The following CSMD2 variants were observed in gnomAD, a reference collection of about 807,000 sequenced individuals.
CSMD2 encodes CUB and Sushi multiple domains 2.
A neutral mutation model predicts 398.5 loss-of-function variants in CSMD2; 130 were observed. That is an observed-to-expected ratio of 0.33 (90% CI 0.28 to 0.38). The LOEUF is 0.38. CSMD2 is among the 10% of genes least tolerant of loss of function. The pLI is 1.00. For missense variants in CSMD2, 3,829 were observed against 4,764.9 expected (o/e 0.80, Z 5.78); for synonymous variants, 1,828 against 1,908.5 (o/e 0.96, Z 1.10).
Position 34,095,554 on chromosome 1 carries a change from G to T in CSMD2, c.188-6361C>A, listed in dbSNP as rs1371994477. Among the ~76,000 whole-genome samples, 7 of 152,046 alleles carry T rather than the reference G, an allele frequency of 4.6e-5. No individual in the cohort carries two copies. In the South Asian group the frequency reaches 1.0e-3, roughly 23 times the overall value. On this transcript the variant is annotated intron_variant, in intron 1 of 70. Transcript: ENST00000373381. ...AAAAAGAGAGAAGAGTCAAATAGAC[G>T]CAATAAAAAATGATAAAGGGGATAT... is the stretch of plus-strand genomic sequence containing the variant.
At chr1:33,944,041 A>C (rs1193771753) in intron 3 of CSMD2, among the ~76,000 whole-genome samples, 1 of 152,060 alleles carries the variant, frequency 6.6e-6, no homozygotes, top group East Asian at 1.9e-4. Context: ...CTTGCAGGCT[A>C]TATGGTCTCT....
chr1:33,734,158 CTTCT>C (rs1189587721), intron 15 of CSMD2, among the ~76,000 whole-genome samples: 1 of 152,140 alleles, frequency 6.6e-6, no homozygotes, highest in African/African-American at 2.4e-5. Context: ...GAGAACTGAC[CTTCT>C]TTCTTTATTA....
Position 33,739,233 on chromosome 1 carries a change from C to G in CSMD2, c.2275G>C (p.Glu759Gln), listed in dbSNP as rs548131729. ...GAGCCCTGAGTCCCAAGGAAGCCTT[C>G]ATCACAGAGGAAGGAGATGGAGCTG... Reference protein sequence around the residue: ...LGSSISFLCDEGFLGTQGSET... With the variant: ...LGSSISFLCDQGFLGTQGSET... The change falls in exon 15 of 71, where the codon GAA (glutamate) becomes CAA (glutamine). Residue 759 changes from glutamate to glutamine, a missense_variant. By Grantham distance (29) the Glu-to-Gln change is conservative. Coordinates refer to ENST00000373381, the MANE Select transcript of CSMD2 (RefSeq NM_001281956.2). 6.2e-7 allele frequency: 1 copy of G among 1,614,242 alleles called. No individual in the cohort carries two copies. Among genetic ancestry groups the G allele is most frequent in the East Asian group, 2.2e-5 (1 of 44,878 alleles).
chr1:34,065,273 TC>T (rs1343381219), intron 2 of CSMD2, among the ~76,000 whole-genome samples: 16 of 152,200 alleles, frequency 1.1e-4, no homozygotes, highest in Non-Finnish European at 2.2e-4. Flanking sequence ...ACACTTTCCT[TC>T]TTCGCCCCAC....
intron 2 of CSMD2, among the ~76,000 whole-genome samples, chr1:34,081,291 T>A (rs1657078680): frequency 6.6e-6 from 1 of 152,140 alleles, no homozygotes; most frequent in Non-Finnish European, 1.5e-5. Context: ...AAGGACAGCA[T>A]CTTCCAATGT....
intron 13 of CSMD2, among the ~76,000 whole-genome samples, chr1:33,769,662 T>A (rs1329614941): frequency 2.6e-5 from 4 of 152,192 alleles, no homozygotes; most frequent in Admixed American, 2.6e-4. Flanking sequence ...ATTTGTGTAT[T>A]CTTGGCAGGG....
chr1:33,743,305 C>T lies in CSMD2; in HGVS notation c.2148G>A (p.Lys716=), dbSNP rs1647146065. The change falls in exon 14 of 71, where the codon AAG becomes AAA. Residue 716 remains lysine, a synonymous_variant. Transcript: ENST00000373381. ...TGGTAAAAGTGATGTTGAAGCCCCT[C>T]TTCCCTGTGGAGTGGTCAGTCTGGA... ...LEFQTDHSTG[K]RGFNITFTTF... is the part of the protein sequence containing the mutation. The T allele has an allele frequency of 1.2e-6, 2 of 1,610,188 alleles. No individual in the cohort carries two copies. The highest frequency in any genetic ancestry group is 1.3e-5 in the African/African-American group (1 of 74,840).
At chr1:33,538,168 A>C in intron 60 of CSMD2, among the ~76,000 whole-genome samples, 1 of 151,776 alleles carries the variant, frequency 6.6e-6, no homozygotes, top group East Asian at 1.9e-4. Context: ...CTCTTCTTTC[A>C]CCTGTTTTGT....
chr1:34,128,435 C>T (rs1033813099), intron 1 of CSMD2, among the ~76,000 whole-genome samples: 3 of 152,172 alleles, frequency 2.0e-5, no homozygotes. Context: ...AACCTTCCTC[C>T]TCCCTGAGAA....
chr1:34,130,565 C>A (rs1466855034), intron 1 of CSMD2, among the ~76,000 whole-genome samples: 4 of 151,902 alleles, frequency 2.6e-5, no homozygotes, highest in Admixed American at 1.3e-4. Context: ...GGAGGGGTGA[C>A]CGAATCAGAT....
chr1:34,056,365 C>G (rs1045219192), intron 2 of CSMD2, among the ~76,000 whole-genome samples: 2 of 152,188 alleles, frequency 1.3e-5, no homozygotes, highest in Non-Finnish European at 2.9e-5. Flanking sequence ...GGGCCTATGT[C>G]TGCTTCATCT....
chr1:34,131,472 G>T (rs1173117331), intron 1 of CSMD2, among the ~76,000 whole-genome samples: 1 of 152,128 alleles, frequency 6.6e-6, no homozygotes, highest in Non-Finnish European at 1.5e-5. Flanking sequence ...GTGTAGACCA[G>T]ACCCTGCCTG....
intron 13 of CSMD2, among the ~76,000 whole-genome samples, chr1:33,757,911 T>A (rs1649268040): frequency 6.6e-6 from 1 of 152,236 alleles, no homozygotes; most frequent in South Asian, 2.1e-4. Flanking sequence ...AGAGTCTACC[T>A]GGTGTCCTAT....
intron 9 of CSMD2, chr1:33,815,221 C>T (rs1248940678): frequency 1.3e-5 from 2 of 152,126 alleles, no homozygotes; most frequent in African/African-American, 4.8e-5. Context: ...CCAATGTTTA[C>T]TTTTCAGTTG....
chr1:34,017,144 T>G (rs1037738039), intron 3 of CSMD2, among the ~76,000 whole-genome samples: 1 of 152,208 alleles, frequency 6.6e-6, no homozygotes, highest in Non-Finnish European at 1.5e-5. Context: ...AAGCCTTGCT[T>G]GATCACCTCC....
chr1:34,085,629 G>A (rs1657790526), intron 2 of CSMD2, among the ~76,000 whole-genome samples: 1 of 152,060 alleles, frequency 6.6e-6, no homozygotes, highest in South Asian at 2.1e-4. Flanking sequence ...GATTTTTTGA[G>A]GTTTAGGGGG....
In CSMD2 at chr1:33,879,590, TAGG is replaced by T. The variant is rs1488151626; in HGVS notation, c.921-32597_921-32595del. Among the ~76,000 whole-genome samples the T allele has an allele frequency of 7.2e-5, 11 of 152,246 alleles. 1 individual carries two copies. Among genetic ancestry groups the T allele is most frequent in the African/African-American group, 2.6e-4 (11 of 41,536 alleles). ...CCAAAAATGCCAGTCCTGATGAGGG[TAGG>T]AGATTTTGTCTTACAATATTGGGTG... On this transcript the variant is annotated intron_variant, in intron 5 of 70. Coordinates refer to ENST00000373381, the MANE Select transcript of CSMD2 (RefSeq NM_001281956.2).
chr1:33,661,006 C>T (rs1168770979), intron 26 of CSMD2, among the ~76,000 whole-genome samples: 2 of 152,174 alleles, frequency 1.3e-5, no homozygotes, highest in South Asian at 4.1e-4. Context: ...GATTAGGAGG[C>T]AGTGGCATCT....
intron 3 of CSMD2, among the ~76,000 whole-genome samples, chr1:34,023,098 A>T (rs1449610508): frequency 6.6e-6 from 1 of 152,168 alleles, no homozygotes; most frequent in African/African-American, 2.4e-5. Context: ...GGCCTCCCAA[A>T]GTACTAGGAT....
Sources: gnomAD v4.1 joint callset for allele counts (sites outside exome capture counted in the v4.1 genomes callset) on GRCh38, gnomAD v4.1.1 for gene constraint, MANE v1.5 for transcripts, NCBI Gene and HGNC (gene_info 2026-07-23, HGNC 2026-07-21) for gene names.